Variants in KLHL13 observed in about 807,000 individuals in gnomAD.
KLHL13 encodes the protein kelch-like protein 13.
Under a neutral mutation model 37.1 loss-of-function variants are expected in KLHL13, and 10 were observed. That is an observed-to-expected ratio of 0.27 (90% CI 0.17 to 0.46). The LOEUF is 0.46. Ranked by LOEUF, KLHL13 falls within the 20% of genes least tolerant of loss-of-function variation. The pLI is 1.00. For missense variants in KLHL13, 360 were observed against 509.3 expected (o/e 0.71, Z 2.82); for synonymous variants, 163 against 181.2 (o/e 0.90, Z 0.81).
At chrX:117,916,556 C>T (rs752567467) in intron 4 of KLHL13, among the ~76,000 whole-genome samples, 55 of 112,383 alleles carry the variant, frequency 4.9e-4, no homozygotes, top group African/African-American at 1.7e-3. Context: ...GTATCTCTAT[C>T]CCACCAAAGG....
chrX:117,932,107 T>C (rs979864499), intron 2 of KLHL13, among the ~76,000 whole-genome samples: 3 of 111,597 alleles, frequency 2.7e-5, no homozygotes, highest in Admixed American at 9.5e-5. Flanking sequence ...AATGCATGTA[T>C]ACATAGTATA....
intron 1 of KLHL13, among the ~76,000 whole-genome samples, chrX:118,098,500 G>T (rs150955239): frequency 0.014 from 1,590 of 110,815 alleles, 41 homozygotes; most frequent in African/African-American, 0.048. Context: ...GTTCAACCAT[G>T]GTGGAAGACA....
In KLHL13 at chrX:117,998,845, T is replaced by C. The variant is rs78129830; in HGVS notation, c.-55-53270A>G. Among the ~76,000 whole-genome samples the C allele has an allele frequency of 3.6e-3, 404 of 110,800 alleles. 5 individuals are homozygous for C. The highest frequency in any genetic ancestry group is 0.012 in the African/African-American group (377 of 30,568). ...TGCTGAGCAAGCACACAGGGAACCA[T>C]GAAGCAAAACCATATAAATGCTATG... is the stretch of plus-strand genomic sequence containing the variant. On this transcript the variant is annotated intron_variant, in intron 1 of 6. Transcript: ENST00000371882.
intron 1 of KLHL13, among the ~76,000 whole-genome samples, chrX:118,058,848 A>G (rs1489098459): frequency 8.9e-6 from 1 of 111,856 alleles, no homozygotes; most frequent in African/African-American, 3.2e-5. Flanking sequence ...AACTTCATCT[A>G]TTCAAAACAC....
intron 1 of KLHL13, among the ~76,000 whole-genome samples, 177 bp downstream of exon 1, chrX:118,116,331 G>T (rs979756028): frequency 8.9e-6 from 1 of 112,420 alleles, no homozygotes; most frequent in Non-Finnish European, 1.9e-5. Flanking sequence ...ATGAGGGCGC[G>T]CACCAGCACG....
At chrX:117,956,670 C>T (rs150043901) in intron 1 of KLHL13, among the ~76,000 whole-genome samples, 2 of 111,860 alleles carry the variant, frequency 1.8e-5, no homozygotes, top group Non-Finnish European at 1.9e-5. Context: ...GTGTTTCACA[C>T]CCCAAACTAT....
chrX:117,898,105 C>A (rs745569700), exon 7 of KLHL13: 6 of 112,074 alleles, frequency 5.4e-5, no homozygotes, highest in Admixed American at 9.5e-5. Flanking sequence ...TATGTGCATA[C>A]TGAATTCCCA....
intron 5 of KLHL13, among the ~76,000 whole-genome samples, chrX:117,904,651 C>T (rs1312323322): frequency 8.9e-6 from 1 of 112,162 alleles, no homozygotes; most frequent in East Asian, 2.8e-4. Context: ...TATGAAAATT[C>T]TATAAAATTC....
chrX:118,003,384 C>G (rs2053947420), intron 1 of KLHL13, among the ~76,000 whole-genome samples: 1 of 111,033 alleles, frequency 9.0e-6, no homozygotes, highest in Non-Finnish European at 1.9e-5. Context: ...GCCAGCTTTG[C>G]TGATAGTTTA....
At chrX:117,903,170 AGAGGAGAGC>A (rs1428791468) in intron 5 of KLHL13, among the ~76,000 whole-genome samples, 24 of 100,835 alleles carry the variant, frequency 2.4e-4, no homozygotes, top group Admixed American at 6.2e-4. Flanking sequence ...AGAGAGAGAG[AGAGGAGAGC>A]GAGAGAGAGA....
rs1347741567 is a variant in KLHL13, at chrX:118,103,645, A to T, written c.-56+12863T>A. On this transcript the variant is annotated intron_variant, in intron 1 of 6. Coordinates refer to the KLHL13 transcript ENST00000371882. ...AATTATGTCTGAAGGTCATTTTTTA[A>T]TAATAGAAAGGAAATAGTAATTATT... 6.3e-5 allele frequency among the ~76,000 whole-genome samples: 7 copies of T among 111,433 alleles called. No homozygotes were observed. The Admixed American group carries it at 6.7e-4, about 11-fold the overall frequency.
intron 1 of KLHL13, among the ~76,000 whole-genome samples, chrX:117,989,155 T>C (rs774227947): frequency 7.1e-5 from 8 of 111,947 alleles, no homozygotes; most frequent in Admixed American, 4.7e-4. Flanking sequence ...TTGCTTTAAA[T>C]GTCAGTTTAA....
chrX:117,952,159 C>T (rs1017124450), intron 1 of KLHL13, among the ~76,000 whole-genome samples: 5 of 111,806 alleles, frequency 4.5e-5, no homozygotes, highest in Non-Finnish European at 9.4e-5. Context: ...AACTGTACTA[C>T]AAGACTACAG....
chrX:118,031,583 ATATT>A (rs1319314340), intron 1 of KLHL13, among the ~76,000 whole-genome samples: 2 of 85,125 alleles, frequency 2.3e-5, no homozygotes, highest in Admixed American at 2.6e-4. Flanking sequence ...AGTTATATAT[ATATT>A]TAGTTATATA....
chrX:118,011,962 A>T, intron 1 of KLHL13, among the ~76,000 whole-genome samples: 1 of 112,565 alleles, frequency 8.9e-6, no homozygotes, highest in Middle Eastern at 4.6e-3. Flanking sequence ...TTGAATATTC[A>T]ATTTTAAATA....
At chrX:117,997,210 C>T (rs2053864204) in intron 1 of KLHL13, among the ~76,000 whole-genome samples, 1 of 108,798 alleles carries the variant, frequency 9.2e-6, no homozygotes, top group African/African-American at 3.4e-5. Flanking sequence ...TATGCCATCT[C>T]CTAGAAGCCT....
upstream of KLHL13, among the ~76,000 whole-genome samples, chrX:117,974,808 A>G (rs779783656): frequency 6.3e-5 from 7 of 111,502 alleles, no homozygotes; most frequent in South Asian, 2.6e-3. Context: ...TAAATATTAA[A>G]ATTATGTCAG....
intron 1 of KLHL13, among the ~76,000 whole-genome samples, chrX:118,070,830 T>C (rs1170929315): frequency 9.1e-6 from 1 of 109,866 alleles, no homozygotes; most frequent in East Asian, 2.8e-4. Context: ...TATGTGTACA[T>C]GTGACATGCT....
At chrX:117,905,804 C>T (rs1457395701) in intron 5 of KLHL13, among the ~76,000 whole-genome samples, 4 of 110,899 alleles carry the variant, frequency 3.6e-5, no homozygotes, top group Non-Finnish European at 7.6e-5. Flanking sequence ...CTCTGTGTTA[C>T]GAATAATCCA....
Sources: gnomAD v4.1 joint callset for allele counts (sites outside exome capture counted in the v4.1 genomes callset) on GRCh38, gnomAD v4.1.1 for gene constraint, MANE v1.5 for transcripts, NCBI Gene and HGNC (gene_info 2026-07-23, HGNC 2026-07-21) for gene names.